The following MAGI2 variants were observed in gnomAD, a reference collection of about 807,000 sequenced individuals.
The protein encoded by MAGI2 is membrane associated guanylate kinase, WW and PDZ domain containing 2.
In MAGI2, 35 loss-of-function variants were observed where a neutral mutation model predicts 133.3. The observed-to-expected ratio is 0.26, with a 90% CI of 0.20 to 0.35. The LOEUF (loss-of-function observed/expected upper bound fraction) is 0.35. Ranked by LOEUF, MAGI2 falls within the 10% of genes least tolerant of loss-of-function variation. MAGI2 has a pLI of 1.00. For missense variants in MAGI2, 1,636 were observed against 1,863.4 expected, an observed-to-expected ratio of 0.88 and a Z score of 2.25; for synonymous variants, 729 against 710.6, an observed-to-expected ratio of 1.03 and a Z score of -0.41.
At chr7:78,815,456 G>A (rs184391231) in intron 2 of MAGI2, among the ~76,000 whole-genome samples, 1 of 152,146 alleles carries the variant, frequency 6.6e-6, no homozygotes, top group East Asian at 1.9e-4. Flanking sequence ...TTTCTAATTG[G>A]CTTTTCACCA....
At chr7:78,459,658 AT>A (rs1338145111) in intron 6 of MAGI2, among the ~76,000 whole-genome samples, 1 of 152,162 alleles carries the variant, frequency 6.6e-6, no homozygotes, top group South Asian at 2.1e-4. Context: ...TGAACACTTT[AT>A]TTTCATGCAG....
At chr7:78,468,290 T>C (rs1790844189) in intron 6 of MAGI2, among the ~76,000 whole-genome samples, 1 of 152,128 alleles carries the variant, frequency 6.6e-6, no homozygotes, top group African/African-American at 2.4e-5. Context: ...ATCACTTTTC[T>C]TTCTCAGGGG....
At chr7:79,075,208 C>T (rs1195559955) in intron 1 of MAGI2, among the ~76,000 whole-genome samples, 1 of 152,010 alleles carries the variant, frequency 6.6e-6, no homozygotes, top group Non-Finnish European at 1.5e-5. Context: ...TCTTATTGAC[C>T]AGAGCTGGAT....
chr7:78,485,439 T>A (rs954475927), intron 6 of MAGI2: 1 of 152,018 alleles, frequency 6.6e-6, no homozygotes. Context: ...AGCAGTATTA[T>A]CCTTTAAGTA....
chr7:78,894,416 A>T (rs1000713645), intron 2 of MAGI2, among the ~76,000 whole-genome samples: 1 of 152,178 alleles, frequency 6.6e-6, no homozygotes, highest in Non-Finnish European at 1.5e-5. Flanking sequence ...AACAAAAAAA[A>T]ACTTTTATTC....
chr7:78,375,205 TTTTA>T (rs1794324323), intron 6 of MAGI2, among the ~76,000 whole-genome samples: 1 of 152,116 alleles, frequency 6.6e-6, no homozygotes, highest in South Asian at 2.1e-4. Flanking sequence ...CTATCTTACC[TTTTA>T]TTTATTTTTT....
At position 78,050,503 on chromosome 7, in the gene MAGI2, A is replaced by T. The variant is rs1811894896; in HGVS notation, c.3706+28444T>A. On this transcript the variant is annotated intron_variant, in intron 21 of 21. Coordinates refer to ENST00000354212, the MANE Select transcript of MAGI2 (RefSeq NM_012301.4). ...AAGACACTTTCTAAACATGCCTGGGACGTCTGCTTTGAACAGCATCTAAAT... is the reference window on the plus strand; with the variant it reads ...AAGACACTTTCTAAACATGCCTGGGTCGTCTGCTTTGAACAGCATCTAAAT... Among the ~76,000 whole-genome samples, 2 of 152,240 alleles carry T rather than the reference A, an allele frequency of 1.3e-5. 1 individual carries two copies. Among genetic ancestry groups the T allele is most frequent in the South Asian group, 4.1e-4 (2 of 4,830 alleles).
At chr7:79,019,818 T>A (rs1377812910) in intron 1 of MAGI2, among the ~76,000 whole-genome samples, 22 of 152,186 alleles carry the variant, frequency 1.4e-4, no homozygotes, top group Non-Finnish European at 2.9e-5. Context: ...GTTTTGGGAT[T>A]ACAGGCATGA....
At chr7:78,292,630 A>T (rs1388586906) in intron 9 of MAGI2, among the ~76,000 whole-genome samples, 1 of 152,232 alleles carries the variant, frequency 6.6e-6, no homozygotes, top group African/African-American at 2.4e-5. Context: ...TGCCAAGACA[A>T]TCCTAAGTCA....
intron 3 of MAGI2, among the ~76,000 whole-genome samples, chr7:78,562,923 C>A (rs1213930521): frequency 5.9e-5 from 9 of 151,808 alleles, no homozygotes; most frequent in African/African-American, 2.2e-4. Flanking sequence ...AGCTTGAAGG[C>A]CCCATAATTA....
At chr7:79,242,242 C>A (rs1010699836) in intron 1 of MAGI2, among the ~76,000 whole-genome samples, 1 of 152,002 alleles carries the variant, frequency 6.6e-6, no homozygotes, top group African/African-American at 2.4e-5. Flanking sequence ...ATTTAGCCAG[C>A]CCACAATGTA....
At chr7:79,263,542 C>T (rs1834224439) in intron 1 of MAGI2, among the ~76,000 whole-genome samples, 2 of 152,102 alleles carry the variant, frequency 1.3e-5, no homozygotes, top group South Asian at 4.1e-4. Flanking sequence ...AAATAACTCC[C>T]CCATCACCAA....
chr7:79,166,248 G>A (rs1824894446), intron 1 of MAGI2, among the ~76,000 whole-genome samples: 1 of 151,990 alleles, frequency 6.6e-6, no homozygotes, highest in African/African-American at 2.4e-5. Context: ...AGCAAAGGGA[G>A]AGTCACTCCA....
chr7:79,440,465 G>A (rs1440932472), intron 1 of MAGI2, among the ~76,000 whole-genome samples: 1 of 151,804 alleles, frequency 6.6e-6, no homozygotes, highest in South Asian at 2.1e-4. Context: ...AAAATTTCTT[G>A]AGCCCTACCA....
At chr7:78,068,917 T>C (rs1444649969) in intron 21 of MAGI2, among the ~76,000 whole-genome samples, 2 of 152,156 alleles carry the variant, frequency 1.3e-5, no homozygotes, top group Non-Finnish European at 2.9e-5. Context: ...CATGAGAAAA[T>C]GAGACTGGAG....
At chr7:78,707,235 G>A (rs1343656171) in intron 2 of MAGI2, among the ~76,000 whole-genome samples, 1 of 151,876 alleles carries the variant, frequency 6.6e-6, no homozygotes, top group Non-Finnish European at 1.5e-5. Context: ...ACCAAGGGAA[G>A]GGAAAAAAAT....
At chr7:78,916,930 T>C (rs1798846826) in intron 2 of MAGI2, among the ~76,000 whole-genome samples, 1 of 152,126 alleles carries the variant, frequency 6.6e-6, no homozygotes, top group African/African-American at 2.4e-5. Context: ...TGTGGATGAA[T>C]TTCTGATATT....
intron 5 of MAGI2, among the ~76,000 whole-genome samples, chr7:78,498,397 A>T (rs911892283): frequency 6.6e-6 from 1 of 152,164 alleles, no homozygotes; most frequent in Admixed American, 6.6e-5. Flanking sequence ...CATAGTATAC[A>T]GTTTGTTAGT....
intron 6 of MAGI2, among the ~76,000 whole-genome samples, chr7:78,456,367 A>G (rs886906751): frequency 5.3e-5 from 8 of 152,128 alleles, no homozygotes; most frequent in Non-Finnish European, 7.4e-5. Flanking sequence ...CTCTAATTCT[A>G]TGTAAGAATC....
Sources: gnomAD v4.1 joint callset for allele counts (sites outside exome capture counted in the v4.1 genomes callset) on GRCh38, gnomAD v4.1.1 for gene constraint, MANE v1.5 for transcripts, NCBI Gene and HGNC (gene_info 2026-07-23, HGNC 2026-07-21) for gene names.